Variants in ZNF148 observed in about 807,000 individuals in gnomAD.
ZNF148 encodes zinc finger protein 148.
A neutral mutation model predicts 67.7 loss-of-function variants in ZNF148; 7 were observed. The observed-to-expected ratio is 0.10, with a 90% CI of 0.06 to 0.19. ZNF148 has a LOEUF of 0.19. Ranked by LOEUF, ZNF148 falls within the 10% of genes least tolerant of loss-of-function variation. The pLI is 1.00. For synonymous variants in ZNF148, 333 were observed against 330.7 expected (o/e 1.01, Z -0.08); for missense variants, 583 against 947.1 (o/e 0.62, Z 5.05).
intron 7 of ZNF148, among the ~76,000 whole-genome samples, chr3:125,270,545 T>C (rs969416166): frequency 2.6e-5 from 4 of 152,196 alleles, no homozygotes; most frequent in African/African-American, 4.8e-5. Context: ...TTCTGTAGAA[T>C]GTAAAATAAT....
At chr3:125,331,874 T>C (rs1268554783) in intron 1 of ZNF148, among the ~76,000 whole-genome samples, 1 of 152,158 alleles carries the variant, frequency 6.6e-6, no homozygotes, top group African/African-American at 2.4e-5. Flanking sequence ...ACTTTATTCA[T>C]GTAACTGGGA....
At chr3:125,349,490 A>G (rs1054222538) in intron 1 of ZNF148, among the ~76,000 whole-genome samples, 1 of 152,226 alleles carries the variant, frequency 6.6e-6, no homozygotes, top group African/African-American at 2.4e-5. Flanking sequence ...GCTCACCATC[A>G]GTAATCATCA....
chr3:125,354,468 G>A (rs1942271528), intron 1 of ZNF148, among the ~76,000 whole-genome samples: 1 of 152,110 alleles, frequency 6.6e-6, no homozygotes, highest in Non-Finnish European at 1.5e-5. Flanking sequence ...ACAATACACT[G>A]CTTAAGCAAT....
chr3:125,320,354 T>C (rs1478902604), intron 3 of ZNF148, among the ~76,000 whole-genome samples: 2 of 152,254 alleles, frequency 1.3e-5, no homozygotes, highest in Non-Finnish European at 1.5e-5. Flanking sequence ...AGGCTTGTGC[T>C]ATATGCTCTA....
At chr3:125,266,225 T>C (rs1244318188) in intron 7 of ZNF148, among the ~76,000 whole-genome samples, 2 of 152,130 alleles carry the variant, frequency 1.3e-5, no homozygotes, top group Non-Finnish European at 2.9e-5. Flanking sequence ...CAACTGGACC[T>C]AATAGAGCTC....
chr3:125,279,576 AATTCTCATAT>A (rs1938265519), intron 5 of ZNF148, among the ~76,000 whole-genome samples: 1 of 152,142 alleles, frequency 6.6e-6, no homozygotes. Flanking sequence ...TTCAATTTCA[AATTCTCATAT>A]ATGCAGGAAA....
At chr3:125,336,381 C>T (rs1941493819) in intron 1 of ZNF148, among the ~76,000 whole-genome samples, 1 of 152,052 alleles carries the variant, frequency 6.6e-6, no homozygotes, top group Non-Finnish European at 1.5e-5. Context: ...TTTAATGAGC[C>T]TTTCTGAATG....
At position 125,232,327 on chromosome 3, in the gene ZNF148, CTT is replaced by C. The variant is rs35950048; in HGVS notation, c.*12_*13del. On this transcript the variant is annotated 3_prime_UTR_variant, in exon 9 of 9. Transcript: ENST00000360647. This position sits in a 1 kb window ranked among gnomAD's most constrained non-coding sequence, Gnocchi z 4.2. Reference sequence around the variant, plus strand: ...TTCTAAAGTGCCAGTATTATTTACACTTTTTTTTTTTTTTTAGCCAAAAGTCT... The same window carrying C: ...TTCTAAAGTGCCAGTATTATTTACACTTTTTTTTTTTTTAGCCAAAAGTCT... The C allele has an allele frequency of 0.13, 158,027 of 1,255,042 alleles. 3 individuals carry two copies. Among genetic ancestry groups the C allele is most frequent in the Middle Eastern group, 0.21 (937 of 4,422 alleles). 77.7% of individuals were successfully genotyped at this position (1,255,042 alleles called of 1,614,324 possible).
chr3:125,237,500 C>G (rs1936145183), intron 7 of ZNF148, among the ~76,000 whole-genome samples: 1 of 151,926 alleles, frequency 6.6e-6, no homozygotes, highest in South Asian at 2.1e-4. Context: ...AAGGATCGTT[C>G]AAGCCTGGGA....
chr3:125,232,304 C>G lies in ZNF148; in HGVS notation c.*37G>C, dbSNP rs762201979. 3.8e-6 allele frequency: 6 copies of G among 1,560,632 alleles called. No homozygotes were observed. The South Asian group carries it at 7.2e-5, about 19-fold the overall frequency. ...TAACCCCACTCTTGATTAATCTGTT[C>G]TAAAGTGCCAGTATTATTTACACTT... On this transcript the variant is annotated 3_prime_UTR_variant, in exon 9 of 9. Coordinates refer to ENST00000360647, the MANE Select transcript of ZNF148 (RefSeq NM_021964.3). The surrounding 1 kb of genome is among the most constrained non-coding windows in gnomAD (Gnocchi z 4.2).
At chr3:125,332,972 GA>G (rs1941348614) in intron 1 of ZNF148, among the ~76,000 whole-genome samples, 3 of 152,036 alleles carry the variant, frequency 2.0e-5, no homozygotes, top group African/African-American at 7.2e-5. Context: ...AAATTGAATA[GA>G]AAAGGACACT....
chr3:125,351,020 G>C (rs1286837405), intron 1 of ZNF148, among the ~76,000 whole-genome samples: 2 of 152,070 alleles, frequency 1.3e-5, no homozygotes, highest in South Asian at 2.1e-4. Flanking sequence ...GTAAAACAAT[G>C]GTTGCCAGGG....
chr3:125,285,066 C>G (rs1184468535), intron 5 of ZNF148, among the ~76,000 whole-genome samples: 1 of 152,168 alleles, frequency 6.6e-6, no homozygotes, highest in Admixed American at 6.5e-5. Context: ...GATGTTTTTA[C>G]TAAAACTCTA....
At chr3:125,238,341 A>T (rs997894575) in intron 7 of ZNF148, among the ~76,000 whole-genome samples, 2 of 152,154 alleles carry the variant, frequency 1.3e-5, no homozygotes, top group African/African-American at 2.4e-5. Context: ...AAAAATGAAA[A>T]GATAGGCCAG....
At chr3:125,372,922 C>T (rs1055652957) in intron 1 of ZNF148, among the ~76,000 whole-genome samples, 21 of 152,038 alleles carry the variant, frequency 1.4e-4, no homozygotes, top group African/African-American at 3.9e-4. Flanking sequence ...GCCGAGATCA[C>T]GCCATTGCAC....
At chr3:125,365,704 G>A (rs73197459) in intron 1 of ZNF148, among the ~76,000 whole-genome samples, 2 of 152,302 alleles carry the variant, frequency 1.3e-5, no homozygotes, top group African/African-American at 2.4e-5. Context: ...TGTGGTCCCA[G>A]GTACTCGGAA....
Position 125,279,265 on chromosome 3 carries a change from A to AAG in ZNF148, c.460-19_460-18insCT. On this transcript the variant is annotated intron_variant, in intron 5 of 8. Coordinates refer to ENST00000360647, the MANE Select transcript of ZNF148 (RefSeq NM_021964.3). ...GTAAGGATCTAGTTCAAAAAAAAAA[A>AAG]GGCAAAAACAAAAGAAATAAGTTTT... The AAG allele has an allele frequency of 6.6e-7, 1 of 1,511,326 alleles. No individual in the cohort carries two copies. The highest frequency in any genetic ancestry group is 8.9e-7 in the Non-Finnish European group (1 of 1,129,908). 93.6% of individuals were successfully genotyped at this position (1,511,326 alleles called of 1,614,324 possible).
chr3:125,329,417 A>T (rs1165151127), intron 2 of ZNF148, among the ~76,000 whole-genome samples: 2 of 144,918 alleles, frequency 1.4e-5, no homozygotes, highest in Non-Finnish European at 3.0e-5. Flanking sequence ...GCTGGAGTGC[A>T]GTGGTGGCAT....
intron 7 of ZNF148, among the ~76,000 whole-genome samples, chr3:125,258,324 C>A (rs1937185642): frequency 7.0e-6 from 1 of 143,692 alleles, no homozygotes; most frequent in Non-Finnish European, 1.5e-5. Context: ...ACTCGGGAGG[C>A]TGAGGCAGGA....
Sources: gnomAD v4.1 joint callset for allele counts (sites outside exome capture counted in the v4.1 genomes callset) on GRCh38, gnomAD v4.1.1 for gene constraint, Gnocchi (gnomAD v3.1) non-coding constraint, MANE v1.5 for transcripts, NCBI Gene and HGNC (gene_info 2026-07-23, HGNC 2026-07-21) for gene names.